Variants in MYO1H observed in about 807,000 individuals in gnomAD.
MYO1H encodes the protein myosin IH, also known as unconventional myosin-Ih.
Under a neutral mutation model 149.3 loss-of-function variants are expected in MYO1H, and 118 were observed. The observed-to-expected ratio is 0.79, with a 90% CI of 0.68 to 0.92. The LOEUF is 0.92. Ranked by LOEUF, MYO1H falls within the 40% of genes least tolerant of loss-of-function variation. MYO1H has a pLI of 0.00. For synonymous variants in MYO1H, 447 were observed against 465.2 expected (o/e 0.96, Z 0.50); for missense variants, 1,212 against 1,280.7 (o/e 0.95, Z 0.82).
intron 1 of MYO1H, among the ~76,000 whole-genome samples, chr12:109,374,771 G>A (rs78178192): frequency 0.041 from 6,208 of 152,082 alleles, 157 homozygotes; most frequent in African/African-American, 0.057. Context: ...GTCTTGTTAG[G>A]CTTTAAAATT....
At chr12:109,321,107 A>C in the MYO1H span, among the ~76,000 whole-genome samples, 1 of 152,018 alleles carries the variant, frequency 6.6e-6, no homozygotes, top group Non-Finnish European at 1.5e-5. Context: ...CAAAAACACA[A>C]ATTAAGGGCA....
At chr12:109,377,595 A>G (rs1869110600) in intron 1 of MYO1H, among the ~76,000 whole-genome samples, 1 of 152,178 alleles carries the variant, frequency 6.6e-6, no homozygotes, top group Admixed American at 6.5e-5. Flanking sequence ...TACCCAAACC[A>G]AAGCATTTGG....
At chr12:109,312,108 T>A in the MYO1H span, among the ~76,000 whole-genome samples, 1 of 152,230 alleles carries the variant, frequency 6.6e-6, no homozygotes, top group Non-Finnish European at 1.5e-5. Context: ...GTTCCTCACA[T>A]GCAATGTGTA....
intron 1 of MYO1H, among the ~76,000 whole-genome samples, chr12:109,378,459 C>T (rs1437553750): frequency 1.3e-5 from 2 of 151,764 alleles, no homozygotes; most frequent in African/African-American, 4.8e-5. Flanking sequence ...TAGATGGTAC[C>T]ACAGGTGTGC....
At chr12:109,388,533 A>G in intron 1 of MYO1H, 150 bp from the exon 2 acceptor site, 1 of 652,022 alleles carries the variant, frequency 1.5e-6, no homozygotes, top group Non-Finnish European at 2.4e-6. Flanking sequence ...TGTATCCCCA[A>G]CCATATTGTA....
intron 12 of MYO1H, 58 bp downstream of exon 12, chr12:109,410,126 T>C: frequency 1.2e-6 from 1 of 867,256 alleles, no homozygotes; most frequent in Non-Finnish European, 1.6e-6. Flanking sequence ...AAGACTTCTT[T>C]TTTTAATTTA....
intron 1 of MYO1H, among the ~76,000 whole-genome samples, chr12:109,359,843 G>A (rs1002343408): frequency 3.3e-5 from 5 of 152,174 alleles, no homozygotes; most frequent in African/African-American, 1.2e-4. Flanking sequence ...GCAAACTAAT[G>A]TTTTTCAAGA....
chr12:109,368,490 T>A (rs2137012520), intron 1 of MYO1H, among the ~76,000 whole-genome samples: 1 of 152,186 alleles, frequency 6.6e-6, no homozygotes, highest in Admixed American at 6.5e-5. Flanking sequence ...ACCCAACCTC[T>A]ACTAAAAATA....
At chr12:109,367,543 T>G (rs1396520679) in intron 1 of MYO1H, among the ~76,000 whole-genome samples, 4 of 149,808 alleles carry the variant, frequency 2.7e-5, no homozygotes, top group Admixed American at 2.6e-4. Flanking sequence ...ATTCATGTAT[T>G]TATTTATTTA....
Position 109,445,381 on chromosome 12 carries a change from T to C in MYO1H, c.2994-132T>C, listed in dbSNP as rs1369471538. The C allele has an allele frequency of 1.1e-5, 8 of 712,086 alleles. No homozygotes were observed. The East Asian group carries it at 2.2e-4, about 20-fold the overall frequency. 44.1% of individuals were successfully genotyped at this position (712,086 alleles called of 1,614,324 possible). A position where few individuals can be genotyped will look rare whatever the true frequency, so the allele number is the denominator to read the frequency against. On this transcript the variant is annotated intron_variant, in intron 30 of 31. Transcript: ENST00000310903. ...ATTCTTCCTTTCCTCAAATATGCAA[T>C]AAAACACTGTAATAAAACAGGAATT...
At chr12:109,323,321 A>G in the MYO1H span, among the ~76,000 whole-genome samples, 10 of 152,346 alleles carry the variant, frequency 6.6e-5, no homozygotes, top group Admixed American at 4.6e-4. Flanking sequence ...AAAGATGTCT[A>G]TGCACTCGGG....
chr12:109,440,584 G>T (rs989791747), intron 24 of MYO1H, 160 bp from the exon 25 acceptor site: 1 of 604,974 alleles, frequency 1.7e-6, no homozygotes, highest in African/African-American at 1.9e-5. Flanking sequence ...AGTTGGGAGA[G>T]GATCAGGTTA....
At chr12:109,386,526 T>C (rs1463526812) in intron 1 of MYO1H, among the ~76,000 whole-genome samples, 1 of 152,252 alleles carries the variant, frequency 6.6e-6, no homozygotes, top group Non-Finnish European at 1.5e-5. Context: ...GTGTTGTCAG[T>C]GTTTTTAATT....
At chr12:109,429,758 G>A (rs1332123786) in intron 19 of MYO1H, among the ~76,000 whole-genome samples, 5 of 151,426 alleles carry the variant, frequency 3.3e-5, no homozygotes. Flanking sequence ...CTTAGGTAAG[G>A]GGGTCACTCT....
chr12:109,409,165 T>C (rs1291927102), intron 10 of MYO1H, among the ~76,000 whole-genome samples: 1 of 151,964 alleles, frequency 6.6e-6, no homozygotes, highest in Non-Finnish European at 1.5e-5. Flanking sequence ...ATAGGCATCT[T>C]CTTGTCTGTC....
In MYO1H at chr12:109,440,739, C is replaced by G; in HGVS notation, c.2455-5C>G. ...CAAGTGGAAAGAAGTGTGTTCTCCACACAGGCATCAGATCTGCTCAGGAAA... is the reference window on the plus strand; with the variant it reads ...CAAGTGGAAAGAAGTGTGTTCTCCAGACAGGCATCAGATCTGCTCAGGAAA... On this transcript the variant is annotated splice_region_variant and splice_polypyrimidine_tract_variant and intron_variant, in intron 24 of 31. Transcript: ENST00000310903. The G allele has an allele frequency of 6.4e-7, 1 of 1,558,022 alleles. No individual in the cohort carries two copies. Among genetic ancestry groups the G allele is most frequent in the Non-Finnish European group, 8.7e-7 (1 of 1,150,462 alleles).
chr12:109,422,524 C>T (rs1234027389), intron 16 of MYO1H, among the ~76,000 whole-genome samples: 2 of 152,180 alleles, frequency 1.3e-5, no homozygotes, highest in Non-Finnish European at 2.9e-5. Context: ...AACAAATGGG[C>T]GACAGCGTTT....
At chr12:109,445,724 C>A in intron 31 of MYO1H, 112 bp downstream of exon 31, 1 of 1,407,558 alleles carries the variant, frequency 7.1e-7, no homozygotes, top group South Asian at 1.7e-5. Flanking sequence ...ATTAATAGTT[C>A]ATTTCTGCCC....
At chr12:109,318,976 T>TTTTTTTTTTTTTG in the MYO1H span, among the ~76,000 whole-genome samples, 1 of 135,922 alleles carries the variant, frequency 7.4e-6, no homozygotes, top group African/African-American at 3.1e-5. Context: ...GGTTTTGTTT[T>TTTTTTTTTTTTTG]TTTTTTTTTT....
Sources: allele counts gnomAD v4.1 joint callset (sites outside exome capture counted in the v4.1 genomes callset), GRCh38; gene constraint gnomAD v4.1.1; transcripts MANE v1.5; gene names NCBI Gene and HGNC (gene_info 2026-07-23, HGNC 2026-07-21).